The following HMGXB3 variants were observed in gnomAD, a reference collection of about 807,000 sequenced individuals.
HMGXB3 encodes HMG-box containing 3.
HMGXB3 carries 45 observed loss-of-function variants against 121.5 expected under a neutral mutation model. The observed-to-expected ratio is 0.37, with a 90% CI of 0.29 to 0.47. The LOEUF (loss-of-function observed/expected upper bound fraction) is 0.47, where lower values mean the gene tolerates loss of function less well. Ranked by LOEUF, HMGXB3 falls within the 20% of genes least tolerant of loss-of-function variation. The pLI, the probability that HMGXB3 is intolerant of heterozygous loss-of-function variation, is 0.99. For missense variants in HMGXB3, 1,376 were observed against 1,602.2 expected, an observed-to-expected ratio of 0.86 and a Z score of 2.41; for synonymous variants, 590 against 624.1, an observed-to-expected ratio of 0.95 and a Z score of 0.81.
At chr5:150,016,444 T>C (rs1175780259) in intron 5 of HMGXB3, among the ~76,000 whole-genome samples, 1 of 152,184 alleles carries the variant, frequency 6.6e-6, no homozygotes, top group Non-Finnish European at 1.5e-5. Context: ...TTGACTCTCT[T>C]GCGAAGTATG....
Position 150,024,543 on chromosome 5 carries a change from G to T in HMGXB3, c.1323G>T (p.Thr441=), listed in dbSNP as rs949751374. 1.3e-6 allele frequency: 2 copies of T among 1,551,728 alleles called. No homozygotes were observed. Among genetic ancestry groups the T allele is most frequent in the African/African-American group, 1.4e-5 (1 of 73,170 alleles). Reference sequence around the variant, plus strand: ...ATTGTGGTACAGCAGTCACTAAGACGCCAGTCGTCAAAAGTGGTGTGCAGC... The same window carrying T: ...ATTGTGGTACAGCAGTCACTAAGACTCCAGTCGTCAAAAGTGGTGTGCAGC... ...PGNCGTAVTK[T]PVVKSGVQPE... is the part of the protein sequence containing the mutation. Residue 441 remains threonine, a synonymous_variant, in exon 7 of 20, where the codon ACG becomes ACT. Coordinates refer to ENST00000502717, the MANE Select transcript of HMGXB3 (RefSeq NM_014983.3).
intron 13 of HMGXB3, among the ~76,000 whole-genome samples, chr5:150,039,883 G>C (rs1756587004): frequency 1.3e-5 from 2 of 152,190 alleles, no homozygotes; most frequent in Admixed American, 1.3e-4. Context: ...CTTTTGTGCA[G>C]ATTAGTGCAT....
chr5:150,028,561 T>TATATATA (rs1554099010), intron 9 of HMGXB3, among the ~76,000 whole-genome samples: 5 of 15,320 alleles, frequency 3.3e-4, no homozygotes, highest in South Asian at 1.5e-3. Context: ...ATATATATAT[T>TATATATA]TTTTTTTTTT....
At chr5:150,050,170 G>T in intron 18 of HMGXB3, 82 bp from the exon 19 acceptor site, 1 of 1,228,514 alleles carries the variant, frequency 8.1e-7, no homozygotes. Flanking sequence ...TCATCTTCCT[G>T]GGAAGAAGCG....
intron 6 of HMGXB3, among the ~76,000 whole-genome samples, chr5:150,020,120 A>G (rs1756053097): frequency 6.6e-6 from 1 of 152,256 alleles, no homozygotes; most frequent in African/African-American, 2.4e-5. Context: ...AAGATTATCC[A>G]TATAGACTAA....
At chr5:150,011,702 T>A (rs1755845409) in intron 4 of HMGXB3, among the ~76,000 whole-genome samples, 2 of 151,444 alleles carry the variant, frequency 1.3e-5, no homozygotes, top group South Asian at 4.2e-4. Flanking sequence ...CCTCCCGGGT[T>A]CAAGAGATTC....
intron 15 of HMGXB3, among the ~76,000 whole-genome samples, chr5:150,043,148 TG>T (rs1756677469): frequency 1.3e-5 from 2 of 152,264 alleles, no homozygotes; most frequent in Admixed American, 1.3e-4. Context: ...ATTAAATGTA[TG>T]GGGAAAAAAA....
At chr5:150,015,141 C>A (rs4597953) in intron 5 of HMGXB3, 45,818 of 332,754 alleles carry the variant, frequency 0.14, 4,072 homozygotes, top group Admixed American at 0.28. Context: ...AGCAGGACTT[C>A]AAAGGTGAGC....
At chr5:150,002,705 T>G (rs1321300924) in intron 1 of HMGXB3, among the ~76,000 whole-genome samples, 1 of 151,688 alleles carries the variant, frequency 6.6e-6, no homozygotes, top group African/African-American at 2.4e-5. Flanking sequence ...TATTAAGTTT[T>G]TTATGCCTCT....
Position 150,010,572 on chromosome 5 carries a change from G to A in HMGXB3, c.774G>A (p.Gln258=), listed in dbSNP as rs200736555. 1.2e-3 allele frequency: 1,873 copies of A among 1,551,346 alleles called. 3 individuals carry two copies. The highest frequency in any genetic ancestry group is 1.8e-3 in the South Asian group (150 of 84,042). Residue 258 remains glutamine (Q), a synonymous_variant, in exon 4 of 20, where the codon CAG becomes CAA. Transcript: ENST00000502717. ...GAAGCCTGGCTGTGCCCCACCCCCA[G>A]GTTGGGGAGAGTGTATCAGTGGTAA... The part of the protein sequence containing the change: ...PTGSLAVPHP[Q]VGESVSVVTV...
At chr5:150,007,791 A>G (rs1460429876) in intron 3 of HMGXB3, among the ~76,000 whole-genome samples, 1 of 152,164 alleles carries the variant, frequency 6.6e-6, no homozygotes, top group African/African-American at 2.4e-5. Flanking sequence ...GTGGTAGCTC[A>G]TGCCCGTAAT....
chr5:150,015,342 G>A (rs1755936393), intron 5 of HMGXB3, among the ~76,000 whole-genome samples: 1 of 152,132 alleles, frequency 6.6e-6, no homozygotes. Context: ...ATGTTAGAGT[G>A]CAGTGGCACA....
chr5:150,006,459 C>A lies in HMGXB3; in HGVS notation c.138-14C>A. 1.3e-6 allele frequency: 2 copies of A among 1,544,546 alleles called. No homozygotes were observed. Among genetic ancestry groups the A allele is most frequent in the South Asian group, 1.2e-5 (1 of 83,332 alleles). On this transcript the variant is annotated splice_polypyrimidine_tract_variant and intron_variant, in intron 2 of 19. Coordinates refer to ENST00000502717, the MANE Select transcript of HMGXB3 (RefSeq NM_014983.3). Reference sequence around the variant, plus strand: ...CATTACTGGGAAAGCCTGAAGAAGTCATTGCTTCCTCAGGTCTGCTTACCT... The same window carrying A: ...CATTACTGGGAAAGCCTGAAGAAGTAATTGCTTCCTCAGGTCTGCTTACCT...
At chr5:150,049,415 C>CA (rs1250800246) in intron 18 of HMGXB3, among the ~76,000 whole-genome samples, 1 of 151,694 alleles carries the variant, frequency 6.6e-6, no homozygotes, top group South Asian at 2.1e-4. Flanking sequence ...CGGAAACCCC[C>CA]CCCCTTAACA....
In HMGXB3 at chr5:150,026,703, C is replaced by T; in HGVS notation, c.1461-3C>T. On this transcript the variant is annotated splice_polypyrimidine_tract_variant and splice_region_variant and intron_variant, in intron 7 of 19. Transcript: ENST00000502717. ...TCCAGATTTCTCTTCTTATTCTTTT[C>T]AGAGCTGACCTGCTTACCCCTGGGT... 1.3e-6 allele frequency: 2 copies of T among 1,547,912 alleles called. No individual in the cohort carries two copies. Among genetic ancestry groups the T allele is most frequent in the Non-Finnish European group, 1.7e-6 (2 of 1,145,936 alleles).
At chr5:150,050,489 G>A (rs1245171436) in intron 19 of HMGXB3, 28 bp downstream of exon 19, 1 of 1,495,048 alleles carries the variant, frequency 6.7e-7, no homozygotes, top group Non-Finnish European at 9.1e-7. Flanking sequence ...GAACTGCCAT[G>A]TCTCCTCAAG....
rs1395956999 is a variant in HMGXB3, at chr5:150,024,435, T to A, written c.1215T>A (p.Pro405=). Residue 405 remains proline (P), a synonymous_variant, in exon 7 of 20, where the codon CCT becomes CCA. Transcript: ENST00000502717. ...TAAGCCAGCTCCTGAACGTAGCTCC[T>A]CCCAGAGAAGTAGGTGAGGAGAGTG... The part of the protein sequence containing the change: ...EAVSQLLNVA[P]PREVGEESEW... The A allele has an allele frequency of 6.4e-7, 1 of 1,551,608 alleles. No homozygotes were observed. Among genetic ancestry groups the A allele is most frequent in the Non-Finnish European group, 8.7e-7 (1 of 1,147,010 alleles).
intron 12 of HMGXB3, 67 bp from the exon 13 acceptor site, chr5:150,037,333 G>C: frequency 7.1e-7 from 1 of 1,408,652 alleles, no homozygotes. Flanking sequence ...TGATCACTGA[G>C]CCCTGGAACT....
At chr5:150,035,573 C>T (rs1362800103) in intron 11 of HMGXB3, among the ~76,000 whole-genome samples, 1 of 152,130 alleles carries the variant, frequency 6.6e-6, no homozygotes, top group Non-Finnish European at 1.5e-5. Flanking sequence ...TTATGTGTGT[C>T]TCAGGCATCA....
Sources: gnomAD v4.1 joint callset for allele counts (sites outside exome capture counted in the v4.1 genomes callset) on GRCh38, gnomAD v4.1.1 for gene constraint, MANE v1.5 for transcripts, NCBI Gene and HGNC (gene_info 2026-07-23, HGNC 2026-07-21) for gene names.